Variants in PUDP observed in about 807,000 individuals in gnomAD.
PUDP encodes pseudouridine 5'-phosphatase, also known as pseudouridine-5'-phosphatase.
PUDP carries 8 observed loss-of-function variants against 9.4 expected under a neutral mutation model. The ratio of observed to expected loss-of-function variants is 0.85; its 90% CI spans 0.50 to 1.53. The LOEUF is 1.53. Among genes scored for constraint, PUDP ranks in the 40% most tolerant of loss-of-function variants. The pLI is 0.00. For synonymous variants in PUDP, 99 were observed against 80.7 expected (o/e 1.23, Z -1.22); for missense variants, 188 against 189.7 (o/e 0.99, Z 0.05).
intron 3 of PUDP, among the ~76,000 whole-genome samples, chrX:7,058,348 C>T (rs758251525): frequency 6.8e-4 from 76 of 111,858 alleles, no homozygotes; most frequent in African/African-American, 2.4e-3. Flanking sequence ...TTTCAGGGCT[C>T]CCAGAAGCGG....
chrX:6,741,734 C>T (rs1264413896), intron 3 of PUDP, among the ~76,000 whole-genome samples: 1 of 111,228 alleles, frequency 9.0e-6, no homozygotes, highest in African/African-American at 3.3e-5. Context: ...CTAATATCAA[C>T]TCATTTTTAT....
rs1925380085 is a variant in PUDP at position 6,772,521 on chromosome X, C to A, written c.*248-66055G>T. Among the ~76,000 whole-genome samples the A allele has an allele frequency of 2.7e-5, 3 of 109,648 alleles. No individual in the cohort carries two copies. In the Admixed American group the frequency reaches 3.0e-4, roughly 11 times the overall value. ...AACTCTGAGGTCCCCATCTACCTAACTTTTTGAATAGATTGCACCAGTTTA... is the reference window on the plus strand; with the variant it reads ...AACTCTGAGGTCCCCATCTACCTAAATTTTTGAATAGATTGCACCAGTTTA... On this transcript the variant is annotated intron_variant and NMD_transcript_variant, in intron 3 of 3. Transcript: ENST00000655425.
rs183661162 is a variant in PUDP at position 6,915,914 on chromosome X, A to T, written c.*247+61219T>A. On this transcript the variant is annotated intron_variant and NMD_transcript_variant, in intron 3 of 3. Transcript: ENST00000655425. ...AACAGAAGGAGTCTCTGGGGCAGCA[A>T]ATATGATTGTCATTGTATAGAGAAG... 9.6e-4 allele frequency among the ~76,000 whole-genome samples: 107 copies of T among 110,904 alleles called. 1 individual carries two copies. In the Middle Eastern group the frequency reaches 0.014, roughly 15 times the overall value.
At position 6,935,917 on chromosome X, in the gene PUDP, T is replaced by C. The variant is rs1441535977; in HGVS notation, c.*247+41216A>G. Reference sequence around the variant, plus strand: ...GATAAATTCCTCGACACATACACTCTCCCAAGACTAAACCAGGAAGAAGTT... The same window carrying C: ...GATAAATTCCTCGACACATACACTCCCCCAAGACTAAACCAGGAAGAAGTT... On this transcript the variant is annotated intron_variant and NMD_transcript_variant, in intron 3 of 3. Transcript: ENST00000655425. Among the ~76,000 whole-genome samples the C allele has an allele frequency of 4.6e-3, 434 of 93,526 alleles. 2 individuals carry two copies. The highest frequency in any genetic ancestry group is 5.6e-3 in the Non-Finnish European group (263 of 47,121). 81.2% of individuals were successfully genotyped at this position (93,526 alleles called of 115,157 possible). A position where few individuals can be genotyped will look rare whatever the true frequency, so the allele number is the denominator to read the frequency against.
At chrX:6,950,003 C>T (rs1023550456) in intron 3 of PUDP, among the ~76,000 whole-genome samples, 1 of 111,198 alleles carries the variant, frequency 9.0e-6, no homozygotes, top group Admixed American at 9.6e-5. Context: ...GCCCTGTCTC[C>T]AGTATGGCTG....
intron 3 of PUDP, among the ~76,000 whole-genome samples, chrX:6,803,998 A>G (rs919624123): frequency 1.8e-5 from 2 of 111,608 alleles, no homozygotes; most frequent in African/African-American, 6.5e-5. Flanking sequence ...ATTAAAGTTC[A>G]TATTTTTTCA....
intron 1 of PUDP, among the ~76,000 whole-genome samples, chrX:7,129,323 C>T (rs1394495076): frequency 8.9e-6 from 1 of 111,986 alleles, no homozygotes; most frequent in African/African-American, 3.3e-5. Flanking sequence ...ATATTGGCTC[C>T]ATCTAGTCCC....
At chrX:6,880,522 G>A (rs998531240) in intron 3 of PUDP, among the ~76,000 whole-genome samples, 1 of 111,284 alleles carries the variant, frequency 9.0e-6, no homozygotes, top group Admixed American at 9.6e-5. Context: ...AAAAACAGAG[G>A]GACTATAAAA....
At chrX:6,775,337 A>G (rs1925432667) in intron 3 of PUDP, among the ~76,000 whole-genome samples, 1 of 111,919 alleles carries the variant, frequency 8.9e-6, no homozygotes. Context: ...TTGTTTATCC[A>G]TTAATCTGTT....
chrX:6,883,578 T>C (rs1233256759), intron 3 of PUDP, among the ~76,000 whole-genome samples: 1 of 108,238 alleles, frequency 9.2e-6, no homozygotes, highest in Non-Finnish European at 1.9e-5. Context: ...AAGTAACAAA[T>C]TCGTCTCATT....
chrX:7,116,861 C>A (rs1009950910), intron 1 of PUDP: 2 of 1,095,355 alleles, frequency 1.8e-6, no homozygotes, highest in Middle Eastern at 3.6e-4. Context: ...TGAGCTCTTG[C>A]TCTGAGTTCA....
intron 3 of PUDP, among the ~76,000 whole-genome samples, chrX:6,939,188 G>A (rs749828511): frequency 9.1e-6 from 1 of 109,297 alleles, no homozygotes; most frequent in East Asian, 2.8e-4. Flanking sequence ...GAAAAAGTGT[G>A]GAAGGAAAAT....
intron 1 of PUDP, among the ~76,000 whole-genome samples, chrX:7,030,204 A>G (rs1273485550): frequency 9.0e-6 from 1 of 111,403 alleles, no homozygotes; most frequent in Non-Finnish European, 1.9e-5. Context: ...CAGGGGCTTT[A>G]GATTCATGGC....
chrX:7,137,339 G>A (rs1487634043), intron 1 of PUDP, among the ~76,000 whole-genome samples: 1 of 106,371 alleles, frequency 9.4e-6, no homozygotes, highest in Non-Finnish European at 1.9e-5. Flanking sequence ...TCAGGAGATC[G>A]AGACCATCCT....
At chrX:6,752,885 G>C (rs771131551) in intron 3 of PUDP, among the ~76,000 whole-genome samples, 44 of 111,864 alleles carry the variant, frequency 3.9e-4, no homozygotes, top group Non-Finnish European at 4.9e-4. Flanking sequence ...TTATCCCTTA[G>C]ATGTGTACAT....
At chrX:6,912,869 T>C (rs1366783682) in intron 3 of PUDP, among the ~76,000 whole-genome samples, 1 of 112,406 alleles carries the variant, frequency 8.9e-6, no homozygotes, top group Non-Finnish European at 1.9e-5. Flanking sequence ...CAGTTTTATA[T>C]ACATCATTCC....
chrX:7,124,632 T>C (rs1326775550), intron 1 of PUDP, among the ~76,000 whole-genome samples: 1 of 110,854 alleles, frequency 9.0e-6, no homozygotes, highest in African/African-American at 3.3e-5. Context: ...GCAATAGAAA[T>C]AGAAGGCATT....
chrX:6,886,049 T>C (rs1927417399), intron 3 of PUDP, among the ~76,000 whole-genome samples: 1 of 112,256 alleles, frequency 8.9e-6, no homozygotes. Flanking sequence ...ATCGTCTATG[T>C]TGTATTGCTA....
rs185504325 is a variant in PUDP at position 7,130,220 on chromosome X, G to A, written c.61+17833C>T. On this transcript the variant is annotated intron_variant, in intron 1 of 3. Transcript: ENST00000381077. ...AAAGTTGTGAGTTCGGCACCCTTAC[G>A]TGTCAACAAAGATTAAGCCTGAAGT... Among the ~76,000 whole-genome samples the A allele has an allele frequency of 9.5e-3, 1,058 of 111,172 alleles. 12 individuals are homozygous for A. The highest frequency in any genetic ancestry group is 0.016 in the Admixed American group (170 of 10,387).
Sources: allele counts gnomAD v4.1 joint callset (sites outside exome capture counted in the v4.1 genomes callset), GRCh38; gene constraint gnomAD v4.1.1; transcripts MANE v1.5; gene names NCBI Gene and HGNC (gene_info 2026-07-23, HGNC 2026-07-21).